C1orf105: variants seen among roughly 807,000 people sequenced by gnomAD.
The protein encoded by C1orf105 is chromosome 1 open reading frame 105.
In C1orf105, 17 loss-of-function variants were observed where a neutral mutation model predicts 20.8. That is an observed-to-expected ratio of 0.82 (90% CI 0.56 to 1.23). The LOEUF (loss-of-function observed/expected upper bound fraction) is 1.23. Ranked by LOEUF, C1orf105 falls within the 50% of genes most tolerant of loss-of-function variation. The probability of loss-of-function intolerance (pLI) is 0.00; values close to 1 mark genes in which losing one functional copy is unlikely to be tolerated. For synonymous variants in C1orf105, 72 were observed against 72.1 expected, an observed-to-expected ratio of 1.00 and a Z score of 0.01; for missense variants, 219 against 213.5, an observed-to-expected ratio of 1.03 and a Z score of -0.16.
intron 1 of C1orf105, chr1:172,443,004 A>G (rs540178131): frequency 1.6e-5 from 3 of 190,816 alleles, no homozygotes; most frequent in African/African-American, 7.1e-5. Context: ...CTTGAATAAT[A>G]ATAGACATCT....
Position 172,430,784 on chromosome 1 carries a change from T to C in C1orf105, c.21+9878T>C, listed in dbSNP as rs531870974. Among the ~76,000 whole-genome samples, 14 of 152,330 alleles carry C rather than the reference T, an allele frequency of 9.2e-5. No individual in the cohort carries two copies. The South Asian group carries it at 2.9e-3, about 32-fold the overall frequency. ...AAATTGAAGATTTGTGGCAACCTTG[T>C]GTTAAGCAAGTCTGTCAGTGCCATT... On this transcript the variant is annotated intron_variant, in intron 1 of 6. Coordinates refer to ENST00000367727, the MANE Select transcript of C1orf105 (RefSeq NM_139240.4).
intron 5 of C1orf105, 76 bp downstream of exon 5, chr1:172,462,321 C>A: frequency 9.1e-7 from 1 of 1,098,130 alleles, no homozygotes; most frequent in Non-Finnish European, 1.3e-6. Flanking sequence ...GATTGAGAAG[C>A]CTAGTAAGAG....
At chr1:172,445,258 TC>T in intron 2 of C1orf105, 100 bp downstream of exon 2, 1 of 948,556 alleles carries the variant, frequency 1.1e-6, no homozygotes, top group Non-Finnish European at 1.6e-6. Flanking sequence ...GCACATTTGA[TC>T]CATTGAGAAA....
intron 1 of C1orf105, among the ~76,000 whole-genome samples, chr1:172,437,588 G>T (rs1301611803): frequency 9.0e-6 from 1 of 111,586 alleles, no homozygotes; most frequent in Non-Finnish European, 1.8e-5. Flanking sequence ...CTGCCGGGGG[G>T]TGGGGGGAGG....
rs781675256 is a variant in C1orf105, at chr1:172,465,333, C to T, written c.376C>T (p.Pro126Ser). 4.8e-5 allele frequency: 78 copies of T among 1,613,172 alleles called. No individual in the cohort carries two copies. The highest frequency in any genetic ancestry group is 1.7e-4 in the Middle Eastern group (1 of 6,058). ...TCATCAACCCAAATTCCAGACTACA[C>T]CTGAGCCTTTCCATGATGACATCCC... ...SLHQPKFQTT[P>S]EPFHDDIPTE... Residue 126 changes from proline to serine, a missense_variant, in exon 6 of 7, where the codon CCT (proline) becomes TCT (serine). Coordinates refer to ENST00000367727, the MANE Select transcript of C1orf105 (RefSeq NM_139240.4).
intron 3 of C1orf105, among the ~76,000 whole-genome samples, chr1:172,454,419 G>T (rs1649006928): frequency 6.6e-6 from 1 of 151,732 alleles, no homozygotes; most frequent in African/African-American, 2.4e-5. Flanking sequence ...ATGGAGGGAG[G>T]AGCTGGAGCT....
At chr1:172,460,279 T>C (rs577969831) in intron 4 of C1orf105, among the ~76,000 whole-genome samples, 23 of 152,346 alleles carry the variant, frequency 1.5e-4, no homozygotes, top group African/African-American at 5.1e-4. Context: ...AAATAGGACC[T>C]GGTTATGTAA....
intron 3 of C1orf105, among the ~76,000 whole-genome samples, chr1:172,449,104 T>G (rs778104336): frequency 9.9e-5 from 15 of 152,180 alleles, no homozygotes; most frequent in Non-Finnish European, 2.1e-4. Context: ...CTCACAGGGC[T>G]GTCATAGGCA....
chr1:172,463,112 C>A (rs989817507), intron 5 of C1orf105, among the ~76,000 whole-genome samples: 9 of 152,052 alleles, frequency 5.9e-5, no homozygotes, highest in African/African-American at 1.9e-4. Context: ...CTATATTTAA[C>A]TACTAGGCAG....
chr1:172,431,175 T>C lies in C1orf105; in HGVS notation c.21+10269T>C, dbSNP rs564987772. On this transcript the variant is annotated intron_variant, in intron 1 of 6. Transcript: ENST00000367727. ...CATTTTAAATCAAAAGTAGAAATGA[T>C]TAAGCTTAGTGAAGAAGGCATATCA... 5.5e-5 allele frequency: 25 copies of C among 452,950 alleles called. 2 individuals carry two copies. The South Asian group carries it at 1.2e-3, about 22-fold the overall frequency. The allele number at this position is 452,950 out of a possible 1,614,324, so 28.1% of individuals were successfully genotyped here.
chr1:172,453,875 A>G (rs1648938047), intron 3 of C1orf105, among the ~76,000 whole-genome samples: 1 of 152,186 alleles, frequency 6.6e-6, no homozygotes, highest in African/African-American at 2.4e-5. Flanking sequence ...TATGTCTTAA[A>G]TGAGTAGCTA....
Position 172,445,132 on chromosome 1 carries a change from G to A in C1orf105, c.81G>A (p.Lys27=), listed in dbSNP as rs1647833921. Residue 27 remains lysine, a synonymous_variant, in exon 2 of 7, where the codon AAG becomes AAA. Transcript: ENST00000367727. Reference sequence around the variant, plus strand: ...TTAGTGAGGCCAGCCTTGTAAACAAGCCATTAGTGCTCAGCCTTCCCAGAA... The same window carrying A: ...TTAGTGAGGCCAGCCTTGTAAACAAACCATTAGTGCTCAGCCTTCCCAGAA... ...PWLSEASLVN[K]PLVLSLPRRY... 4.3e-6 allele frequency: 7 copies of A among 1,612,844 alleles called. No homozygotes were observed. In the East Asian group the frequency reaches 1.6e-4, roughly 36 times the overall value.
At position 172,459,290 on chromosome 1, in the gene C1orf105, T is replaced by C. The variant is rs111869389; in HGVS notation, c.273+2801T>C. On this transcript the variant is annotated intron_variant, in intron 4 of 6. Transcript: ENST00000367727. ...TTGCAAATCAACAGATGAAGGATTATGTCAGATAAGGGACTAGTATCTGGA... is the reference window on the plus strand; with the variant it reads ...TTGCAAATCAACAGATGAAGGATTACGTCAGATAAGGGACTAGTATCTGGA... Among the ~76,000 whole-genome samples, 862 of 152,254 alleles carry C rather than the reference T, an allele frequency of 5.7e-3. 14 individuals carry two copies. Among genetic ancestry groups the C allele is most frequent in the African/African-American group, 0.02 (817 of 41,562 alleles).
At chr1:172,442,713 C>G in intron 1 of C1orf105, 1 of 1,114,006 alleles carries the variant, frequency 9.0e-7, no homozygotes, top group Non-Finnish European at 1.3e-6. Context: ...GAAATGAGAC[C>G]TCCCTGGAAA....
chr1:172,466,055 T>C (rs1269416821), intron 6 of C1orf105, among the ~76,000 whole-genome samples: 1 of 152,252 alleles, frequency 6.6e-6, no homozygotes, highest in East Asian at 1.9e-4. Context: ...TTTCTCTCAT[T>C]TGATACATAC....
At chr1:172,434,559 A>G (rs1391077997) in intron 1 of C1orf105, among the ~76,000 whole-genome samples, 2 of 152,256 alleles carry the variant, frequency 1.3e-5, no homozygotes, top group Non-Finnish European at 2.9e-5. Context: ...AACCAATGAG[A>G]ACAAAGACAC....
rs941245862 is a variant in C1orf105, at chr1:172,448,524, T to C, written c.191T>C (p.Leu64Ser). Residue 64 changes from leucine to serine, a missense_variant, in exon 3 of 7, where the codon TTA (leucine) becomes TCA (serine). Coordinates refer to ENST00000367727, the MANE Select transcript of C1orf105 (RefSeq NM_139240.4). Reference sequence around the variant, plus strand: ...ATTTTGTTTCAAGTTCCAGATGTTTTATCTAAGGTACTAAAAAATTTTTGT... The same window carrying C: ...ATTTTGTTTCAAGTTCCAGATGTTTCATCTAAGGTACTAAAAAATTTTTGT... The part of the protein sequence containing the change: ...LPILFQVPDV[L>S]SKARRNQCDS... 2 of 1,603,598 alleles carry C rather than the reference T, an allele frequency of 1.2e-6. No individual in the cohort carries two copies. Among genetic ancestry groups the C allele is most frequent in the Non-Finnish European group, 1.7e-6 (2 of 1,171,196 alleles).
chr1:172,430,918 C>T (rs752122352), intron 1 of C1orf105, among the ~76,000 whole-genome samples: 4 of 152,128 alleles, frequency 2.6e-5, no homozygotes, highest in Non-Finnish European at 4.4e-5. Flanking sequence ...GATCAGTGAT[C>T]TTTGATGTTA....
At chr1:172,435,697 G>A (rs1389122955) in intron 1 of C1orf105, among the ~76,000 whole-genome samples, 1 of 152,156 alleles carries the variant, frequency 6.6e-6, no homozygotes, top group Non-Finnish European at 1.5e-5. Flanking sequence ...AGACAAGCAT[G>A]CCCTCTCTCA....
Sources: gnomAD v4.1 joint callset for allele counts (sites outside exome capture counted in the v4.1 genomes callset) on GRCh38, gnomAD v4.1.1 for gene constraint, MANE v1.5 for transcripts, NCBI Gene and HGNC (gene_info 2026-07-23, HGNC 2026-07-21) for gene names.